Variants in ANAPC10 observed in about 807,000 individuals in gnomAD.
The protein encoded by ANAPC10 is anaphase promoting complex subunit 10.
In ANAPC10, 12 loss-of-function variants were observed where a neutral mutation model predicts 22.0. That is an observed-to-expected ratio of 0.55 (90% CI 0.35 to 0.88). The LOEUF (loss-of-function observed/expected upper bound fraction) is 0.88. ANAPC10 is among the 40% of genes least tolerant of loss of function. The pLI is 0.01. For missense variants in ANAPC10, 188 were observed against 220.9 expected, an observed-to-expected ratio of 0.85 and a Z score of 0.94; for synonymous variants, 65 against 69.5, an observed-to-expected ratio of 0.94 and a Z score of 0.32.
intron 4 of ANAPC10, among the ~76,000 whole-genome samples, chr4:145,035,649 G>T (rs1308098557): frequency 6.6e-6 from 1 of 152,172 alleles, no homozygotes; most frequent in Non-Finnish European, 1.5e-5. Flanking sequence ...AATGATTCCA[G>T]TTCATCTTCA....
intron 4 of ANAPC10, among the ~76,000 whole-genome samples, chr4:145,031,943 C>G (rs1737650068): frequency 1.3e-5 from 2 of 152,186 alleles, no homozygotes; most frequent in South Asian, 4.1e-4. Flanking sequence ...GGGTTGTGCA[C>G]AGCAGCATTC....
chr4:145,039,142 A>C (rs924077701), intron 4 of ANAPC10, among the ~76,000 whole-genome samples: 1 of 150,832 alleles, frequency 6.6e-6, no homozygotes, highest in Non-Finnish European at 1.5e-5. Flanking sequence ...TCACATGCAA[A>C]GCATCAGAAA....
chr4:145,056,614 T>C (rs953049969), intron 4 of ANAPC10, among the ~76,000 whole-genome samples: 1 of 152,152 alleles, frequency 6.6e-6, no homozygotes, highest in African/African-American at 2.4e-5. Context: ...GAAGGGACTA[T>C]AGTGTGGAAA....
intron 2 of ANAPC10, among the ~76,000 whole-genome samples, chr4:145,095,085 A>G (rs1425031247): frequency 6.6e-6 from 1 of 152,220 alleles, no homozygotes; most frequent in East Asian, 1.9e-4. Flanking sequence ...AGGGAATAGT[A>G]AAGAAATTGG....
intron 3 of ANAPC10, among the ~76,000 whole-genome samples, chr4:145,067,813 T>C (rs1743928794): frequency 1.3e-5 from 2 of 152,212 alleles, no homozygotes; most frequent in Non-Finnish European, 2.9e-5. Flanking sequence ...TCTTTCTTCA[T>C]AACATCTGGC....
intron 4 of ANAPC10, among the ~76,000 whole-genome samples, chr4:145,043,726 C>T (rs2127152995): frequency 6.6e-6 from 1 of 152,172 alleles, no homozygotes. Flanking sequence ...GAAAATGCAA[C>T]AGGAAAGTTA....
intron 4 of ANAPC10, among the ~76,000 whole-genome samples, chr4:145,012,166 G>GTA: frequency 7.4e-6 from 1 of 135,190 alleles, no homozygotes. Flanking sequence ...ATATGTATAT[G>GTA]TGTGTGTGTG....
intron 4 of ANAPC10, among the ~76,000 whole-genome samples, chr4:145,045,498 G>C (rs1056434234): frequency 1.3e-5 from 2 of 151,984 alleles, no homozygotes; most frequent in African/African-American, 2.4e-5. Flanking sequence ...TGTAAAACTG[G>C]ATTACAGAAT....
At chr4:145,047,379 T>A (rs1434425096) in intron 4 of ANAPC10, among the ~76,000 whole-genome samples, 1 of 152,142 alleles carries the variant, frequency 6.6e-6, no homozygotes, top group African/African-American at 2.4e-5. Flanking sequence ...GAACTCTGCG[T>A]TCAATGGCGA....
intron 2 of ANAPC10, among the ~76,000 whole-genome samples, chr4:145,085,693 A>G (rs1746783970): frequency 6.6e-6 from 1 of 152,114 alleles, no homozygotes; most frequent in South Asian, 2.1e-4. Context: ...TAATATCTTC[A>G]AGTACTGATT....
intron 4 of ANAPC10, among the ~76,000 whole-genome samples, chr4:145,023,365 T>G (rs1362841099): frequency 6.6e-6 from 1 of 152,182 alleles, no homozygotes; most frequent in Admixed American, 6.6e-5. Context: ...CGGTCCTGCA[T>G]GATTTTGGTC....
Position 144,995,534 on chromosome 4 carries a change from G to C in ANAPC10, c.397C>G (p.Arg133Gly). 6.2e-7 allele frequency: 1 copy of C among 1,613,762 alleles called. No individual in the cohort carries two copies. Among genetic ancestry groups the C allele is most frequent in the African/African-American group, 1.3e-5 (1 of 75,010 alleles). The change falls in exon 5 of 5, where the codon CGT (arginine) becomes GGT (glycine). Residue 133 changes from arginine to glycine, a missense_variant. Coordinates refer to ENST00000507656, the MANE Select transcript of ANAPC10 (RefSeq NM_001256706.2). ...PLTDNHKKPT[R>G]TFMIQIAVLA... ...ACAGCAATCTGTATCATGAATGTAC[G>C]AGTTGGCTTCTTATGATTGTCAGTT...
intron 4 of ANAPC10, among the ~76,000 whole-genome samples, chr4:145,039,957 A>G (rs1001764593): frequency 9.2e-5 from 14 of 152,136 alleles, no homozygotes; most frequent in Non-Finnish European, 2.1e-4. Context: ...TCCAAGGTTC[A>G]TGGTTAAATG....
intron 4 of ANAPC10, among the ~76,000 whole-genome samples, chr4:145,050,745 GT>G (rs769243303): frequency 2.8e-4 from 43 of 152,188 alleles, no homozygotes; most frequent in Admixed American, 4.6e-4. Flanking sequence ...ACCTCGGCTA[GT>G]TTCAAGCTTT....
At chr4:145,021,856 G>A (rs1735997722) in intron 4 of ANAPC10, among the ~76,000 whole-genome samples, 4 of 152,108 alleles carry the variant, frequency 2.6e-5, no homozygotes. Flanking sequence ...AGTGGGCTAA[G>A]GACATGAATA....
intron 2 of ANAPC10, among the ~76,000 whole-genome samples, chr4:145,091,623 A>C (rs556215581): frequency 1.9e-4 from 29 of 152,126 alleles, no homozygotes; most frequent in Non-Finnish European, 3.7e-4. Context: ...TTGATTCCAC[A>C]TCTTTGCTAT....
At position 144,994,599 on chromosome 4, in the gene ANAPC10, T is replaced by G. The variant is rs542788173; in HGVS notation, c.*774A>C. 1 of 152,076 alleles carries G rather than the reference T, an allele frequency of 6.6e-6. No homozygotes were observed. Among genetic ancestry groups the G allele is most frequent in the Non-Finnish European group, 1.5e-5 (1 of 67,968 alleles). The allele number at this position is 152,076 out of a possible 1,614,324, so 9.4% of individuals were successfully genotyped here. ...TATTTCTTTAAAATCTTTTAATATA[T>G]ATAAAAAATTTCACATACTTTTACG... On this transcript the variant is annotated 3_prime_UTR_variant, in exon 5 of 5. Transcript: ENST00000507656.
intron 4 of ANAPC10, among the ~76,000 whole-genome samples, chr4:145,036,781 A>G (rs34539842): frequency 6.6e-5 from 10 of 152,238 alleles, no homozygotes; most frequent in Non-Finnish European, 1.5e-4. Flanking sequence ...AAAGAAAGGC[A>G]GAAACTTAAC....
chr4:145,097,466 T>C, intron 1 of ANAPC10: 2 of 1,286,672 alleles, frequency 1.6e-6, no homozygotes, highest in African/African-American at 1.5e-5. Flanking sequence ...ATATATGCTA[T>C]TCAAAATAGG....
Sources: gnomAD v4.1 joint callset for allele counts (sites outside exome capture counted in the v4.1 genomes callset) on GRCh38, gnomAD v4.1.1 for gene constraint, MANE v1.5 for transcripts, NCBI Gene and HGNC (gene_info 2026-07-23, HGNC 2026-07-21) for gene names.